ZMAT3: variants seen among roughly 807,000 people sequenced by gnomAD.
ZMAT3 encodes the protein zinc finger matrin-type protein 3.
A neutral mutation model predicts 32.3 loss-of-function variants in ZMAT3; 17 were observed. The ratio of observed to expected loss-of-function variants is 0.53; its 90% CI spans 0.36 to 0.79. The LOEUF (loss-of-function observed/expected upper bound fraction) is 0.79. Among genes scored for constraint, ZMAT3 ranks in the 30% least tolerant of loss-of-function variants. ZMAT3 has a pLI of 0.00. For synonymous variants in ZMAT3, 120 were observed against 133.1 expected, an observed-to-expected ratio of 0.90 and a Z score of 0.68; for missense variants, 329 against 359.7, an observed-to-expected ratio of 0.91 and a Z score of 0.69.
chr3:179,065,646 A>T (rs766807334), intron 2 of ZMAT3, among the ~76,000 whole-genome samples: 2 of 152,212 alleles, frequency 1.3e-5, no homozygotes, highest in Non-Finnish European at 2.9e-5. Flanking sequence ...CTTCCTTAAA[A>T]GGGAATTATA....
At chr3:179,041,214 G>A (rs1249956788) in intron 2 of ZMAT3, among the ~76,000 whole-genome samples, 1 of 152,150 alleles carries the variant, frequency 6.6e-6, no homozygotes, top group African/African-American at 2.4e-5. Flanking sequence ...CTTGAACTCA[G>A]CTCTGCACCA....
At chr3:179,064,836 A>G (rs977708812) in intron 2 of ZMAT3, among the ~76,000 whole-genome samples, 1 of 152,068 alleles carries the variant, frequency 6.6e-6, no homozygotes, top group Admixed American at 6.5e-5. Flanking sequence ...CTTCTTTGGT[A>G]GCTCACCCAC....
rs534558056 is a variant in ZMAT3, at chr3:179,065,911, A to T, written c.270+1572T>A. On this transcript the variant is annotated intron_variant, in intron 2 of 5. Transcript: ENST00000311417. ...ACAGAGCGAGACTCTGTCTCAAAAA[A>T]AAATAAATAAATAAAGATAATTATA... Among the ~76,000 whole-genome samples, 71 of 152,334 alleles carry T rather than the reference A, an allele frequency of 4.7e-4. No homozygotes were observed. In the East Asian group the frequency reaches 7.7e-3, roughly 17 times the overall value.
chr3:179,064,560 G>C (rs1721307908), intron 2 of ZMAT3, among the ~76,000 whole-genome samples: 1 of 152,172 alleles, frequency 6.6e-6, no homozygotes, highest in African/African-American at 2.4e-5. Context: ...CTCACGAGTA[G>C]CTGGGACTAC....
Position 179,024,452 on chromosome 3 carries a change from T to C in ZMAT3, c.*565A>G, listed in dbSNP as rs2108531750. 1 of 153,828 alleles carries C rather than the reference T, an allele frequency of 6.5e-6. No homozygotes were observed. Among genetic ancestry groups the C allele is most frequent in the African/African-American group, 2.4e-5 (1 of 41,100 alleles). The allele number at this position is 153,828 out of a possible 1,614,324, so 9.5% of individuals were successfully genotyped here. ...TTCAATACAATTCTTTAACAGTACA[T>C]AAAACTACAATTGCAAAAGAAAATG... On this transcript the variant is annotated 3_prime_UTR_variant, in exon 6 of 6. Transcript: ENST00000311417.
intron 2 of ZMAT3, among the ~76,000 whole-genome samples, chr3:179,047,146 C>G (rs1276311307): frequency 6.6e-6 from 1 of 152,232 alleles, no homozygotes; most frequent in Non-Finnish European, 1.5e-5. Flanking sequence ...CTGGTATCCA[C>G]AGCTGACAGA....
At chr3:179,066,998 G>T (rs1721448352) in intron 2 of ZMAT3, among the ~76,000 whole-genome samples, 1 of 152,216 alleles carries the variant, frequency 6.6e-6, no homozygotes. Flanking sequence ...ATATATAAGA[G>T]TTAGAAGTCA....
intron 2 of ZMAT3, among the ~76,000 whole-genome samples, chr3:179,031,940 C>T (rs144393941): frequency 0.62 from 2,846 of 4,566 alleles, 876 homozygotes; most frequent in African/African-American, 0.77. Context: ...CCTCTCCCTC[C>T]CCCTCCCCCT....
At chr3:179,037,092 C>A (rs1222255748) in intron 2 of ZMAT3, among the ~76,000 whole-genome samples, 1 of 152,172 alleles carries the variant, frequency 6.6e-6, no homozygotes, top group Non-Finnish European at 1.5e-5. Context: ...CAATGAAATT[C>A]TTCTCCACCC....
intron 2 of ZMAT3, among the ~76,000 whole-genome samples, chr3:179,033,748 G>A (rs1219784485): frequency 6.6e-6 from 1 of 152,144 alleles, no homozygotes. Flanking sequence ...ACTTACAAAG[G>A]ATGTTCATTG....
intron 1 of ZMAT3, chr3:179,071,193 T>C (rs1441426588): frequency 2.0e-5 from 3 of 152,236 alleles, no homozygotes; most frequent in African/African-American, 7.2e-5. Flanking sequence ...TGTTTTTCAG[T>C]CTCCGCTGTG....
chr3:179,018,193 A>T lies in ZMAT3; in HGVS notation c.*6824T>A, dbSNP rs1164793539. The T allele has an allele frequency of 1.3e-5, 2 of 152,172 alleles. No individual in the cohort carries two copies. The highest frequency in any genetic ancestry group is 4.8e-5 in the African/African-American group (2 of 41,434). 9.4% of individuals were successfully genotyped at this position (152,172 alleles called of 1,614,324 possible). The stretch of plus-strand genomic sequence containing the variant: ...ATGTGGAGTTACTCTTCCTTAAAAA[A>T]ATATATCATGTAGAGAATACACAAA... On this transcript the variant is annotated 3_prime_UTR_variant, in exon 6 of 6. Coordinates refer to ENST00000311417, the MANE Select transcript of ZMAT3 (RefSeq NM_022470.4).
intron 2 of ZMAT3, among the ~76,000 whole-genome samples, chr3:179,038,206 G>C (rs960401456): frequency 6.6e-6 from 1 of 152,194 alleles, no homozygotes; most frequent in Non-Finnish European, 1.5e-5. Context: ...TGTCCAAAGA[G>C]AGACCAACCT....
chr3:179,072,352 C>G (rs545660142), upstream of ZMAT3: 1 of 151,234 alleles, frequency 6.6e-6, no homozygotes, highest in African/African-American at 2.4e-5. Flanking sequence ...CACACACACA[C>G]CTTCCCTCCC....
At chr3:179,040,746 A>G (rs6443617) in intron 2 of ZMAT3, among the ~76,000 whole-genome samples, 124,880 of 152,060 alleles carry the variant, frequency 0.82, 51,805 homozygotes, top group East Asian at 0.94. Flanking sequence ...AATGTAAATG[A>G]GCTAAATGCC....
chr3:179,043,464 A>G (rs545692079), intron 2 of ZMAT3, among the ~76,000 whole-genome samples: 1 of 152,188 alleles, frequency 6.6e-6, no homozygotes. Context: ...CAAAAACAAG[A>G]AATGGGGAAA....
intron 2 of ZMAT3, among the ~76,000 whole-genome samples, chr3:179,039,485 T>C (rs1009372293): frequency 2.0e-5 from 3 of 152,182 alleles, no homozygotes; most frequent in Admixed American, 2.0e-4. Context: ...GACCTGCAGC[T>C]GAGGGACCTA....
intron 3 of ZMAT3, among the ~76,000 whole-genome samples, chr3:179,028,879 G>A (rs115181704): frequency 0.01 from 1,550 of 152,262 alleles, 25 homozygotes; most frequent in African/African-American, 0.035. Context: ...AAATTCTTGG[G>A]CTGGACACGG....
At chr3:179,029,187 T>C (rs1719048033) in intron 3 of ZMAT3, among the ~76,000 whole-genome samples, 1 of 151,912 alleles carries the variant, frequency 6.6e-6, no homozygotes, top group Admixed American at 6.6e-5. Context: ...AAGAAATTCT[T>C]GCTCCACCAC....
Sources: gnomAD v4.1 joint callset for allele counts (sites outside exome capture counted in the v4.1 genomes callset) on GRCh38, gnomAD v4.1.1 for gene constraint, MANE v1.5 for transcripts, NCBI Gene and HGNC (gene_info 2026-07-23, HGNC 2026-07-21) for gene names.